The following CTNNA3 variants were observed in gnomAD, a reference collection of about 807,000 sequenced individuals.
The protein encoded by CTNNA3 is catenin alpha-3.
In CTNNA3, 76 loss-of-function variants were observed where a neutral mutation model predicts 95.7. That is an observed-to-expected ratio of 0.79 (90% CI 0.66 to 0.96). The LOEUF (loss-of-function observed/expected upper bound fraction) is 0.96, where lower values mean the gene tolerates loss of function less well. Among genes scored for constraint, CTNNA3 ranks in the 40% least tolerant of loss-of-function variants. The pLI is 0.00. For synonymous variants in CTNNA3, 431 were observed against 374.4 expected (o/e 1.15, Z -1.74); for missense variants, 1,191 against 1,089.8 (o/e 1.09, Z -1.31).
chr10:66,758,531 A>G (rs1191041791), intron 9 of CTNNA3, among the ~76,000 whole-genome samples: 2 of 152,218 alleles, frequency 1.3e-5, no homozygotes, highest in Non-Finnish European at 2.9e-5. Context: ...TTCTTCAGCT[A>G]GTTGTCAGTT....
At chr10:66,587,486 G>T (rs1184307211) in intron 10 of CTNNA3, among the ~76,000 whole-genome samples, 3 of 152,126 alleles carry the variant, frequency 2.0e-5, no homozygotes, top group East Asian at 1.9e-4. Flanking sequence ...TGCTACCAGG[G>T]CAGGTGGAGG....
chr10:67,278,830 C>T (rs1220526604), intron 5 of CTNNA3, among the ~76,000 whole-genome samples: 1 of 152,004 alleles, frequency 6.6e-6, no homozygotes, highest in Non-Finnish European at 1.5e-5. Flanking sequence ...CCCTTCTTAT[C>T]CTATAGTCAG....
chr10:67,253,890 C>T (rs554255179), intron 5 of CTNNA3, among the ~76,000 whole-genome samples: 2 of 152,304 alleles, frequency 1.3e-5, no homozygotes, highest in East Asian at 3.9e-4. Context: ...TCCTTCCTGA[C>T]TGGCTATTCA....
chr10:66,106,224 A>G (rs556303872), intron 13 of CTNNA3, among the ~76,000 whole-genome samples: 39 of 151,914 alleles, frequency 2.6e-4, no homozygotes, highest in Admixed American at 3.9e-4. Context: ...AAAAAAAGAA[A>G]AAAAAATGGG....
At chr10:66,689,941 C>A (rs761577800) in intron 9 of CTNNA3, among the ~76,000 whole-genome samples, 1 of 152,122 alleles carries the variant, frequency 6.6e-6, no homozygotes, top group Non-Finnish European at 1.5e-5. Context: ...TGCTACAGAT[C>A]TGCTTTCTCC....
At chr10:66,228,911 T>C (rs562758144) in intron 13 of CTNNA3, among the ~76,000 whole-genome samples, 251 of 152,286 alleles carry the variant, frequency 1.6e-3, no homozygotes, top group Non-Finnish European at 2.7e-3. Context: ...CTTTTAATGT[T>C]TTTTGACTTA....
In CTNNA3 at chr10:66,730,344, G is replaced by A. The variant is rs113782904; in HGVS notation, c.1281+35920C>T. Among the ~76,000 whole-genome samples, 747 of 152,204 alleles carry A rather than the reference G, an allele frequency of 4.9e-3. 3 individuals are homozygous for A. Among genetic ancestry groups the A allele is most frequent in the African/African-American group, 0.017 (707 of 41,532 alleles). On this transcript the variant is annotated intron_variant, in intron 9 of 17. Transcript: ENST00000433211. ...AAGCCATTATGCTCAGCAAACTAACGAAGGAATAGAAAACTAAACACTGCA... is the reference window on the plus strand; with the variant it reads ...AAGCCATTATGCTCAGCAAACTAACAAAGGAATAGAAAACTAAACACTGCA...
intron 5 of CTNNA3, among the ~76,000 whole-genome samples, chr10:67,512,937 A>G (rs1839686512): frequency 6.6e-6 from 1 of 152,198 alleles, no homozygotes; most frequent in Non-Finnish European, 1.5e-5. Context: ...GTGAGCCAAG[A>G]TCGCGTCACT....
At chr10:67,742,340 A>T (rs567427085) in intron 1 of CTNNA3, among the ~76,000 whole-genome samples, 1 of 151,504 alleles carries the variant, frequency 6.6e-6, no homozygotes, top group East Asian at 1.9e-4. Context: ...ACTCAGGATT[A>T]AGAAACTCAC....
chr10:67,130,456 T>C (rs79996847), intron 7 of CTNNA3, among the ~76,000 whole-genome samples: 3,925 of 152,196 alleles, frequency 0.026, 164 homozygotes, highest in East Asian at 0.14. Flanking sequence ...TGGGGAGATA[T>C]TGGATAGACT....
chr10:66,660,398 G>C (rs1375373609), intron 9 of CTNNA3, among the ~76,000 whole-genome samples: 3 of 152,144 alleles, frequency 2.0e-5, no homozygotes, highest in Admixed American at 6.5e-5. Flanking sequence ...CTCTTAACTT[G>C]TGATAACTCT....
At chr10:67,093,844 C>T (rs189083689) in intron 7 of CTNNA3, among the ~76,000 whole-genome samples, 1 of 152,020 alleles carries the variant, frequency 6.6e-6, no homozygotes. Flanking sequence ...CAAATTATGG[C>T]ACTAACACAA....
At chr10:67,726,530 ATATTATT>A (rs1564841261) in intron 1 of CTNNA3, among the ~76,000 whole-genome samples, 3 of 66,248 alleles carry the variant, frequency 4.5e-5, no homozygotes, top group Admixed American at 2.9e-4. Context: ...TATATTATAT[ATATTATT>A]ATATATTACA....
chr10:66,121,530 G>C (rs2082573143), intron 13 of CTNNA3, among the ~76,000 whole-genome samples: 1 of 151,958 alleles, frequency 6.6e-6, no homozygotes, highest in Admixed American at 6.6e-5. Flanking sequence ...TTTTAGAACA[G>C]ATCAAAACTT....
intron 16 of CTNNA3, among the ~76,000 whole-genome samples, chr10:65,977,391 G>A (rs75176746): frequency 0.056 from 8,505 of 152,180 alleles, 817 homozygotes; most frequent in African/African-American, 0.19. Context: ...TTAAATTTCA[G>A]GGGTGAATTA....
chr10:66,637,673 G>GAGCTTTCTCA (rs1260078749), intron 9 of CTNNA3, among the ~76,000 whole-genome samples: 2 of 152,204 alleles, frequency 1.3e-5, no homozygotes, highest in East Asian at 3.8e-4. Context: ...GGCAGAGGCT[G>GAGCTTTCTCA]AGCTTTCTCA....
intron 5 of CTNNA3, among the ~76,000 whole-genome samples, chr10:67,393,592 G>T (rs1027564339): frequency 6.6e-6 from 1 of 152,060 alleles, no homozygotes; most frequent in Non-Finnish European, 1.5e-5. Context: ...AACTTTTGCC[G>T]CTCATTGCCA....
rs375489723 is a variant in CTNNA3 at position 66,733,994 on chromosome 10, CAT to C, written c.1281+32268_1281+32269del. On this transcript the variant is annotated intron_variant, in intron 9 of 17. Transcript: ENST00000433211. The stretch of plus-strand genomic sequence containing the variant: ...TAATTAGTTTTAATTTTATTTATGA[CAT>C]GTTTTACCAAAAAGTACAAGTTTTA... 3.6e-4 allele frequency among the ~76,000 whole-genome samples: 55 copies of C among 151,808 alleles called. No homozygotes were observed. The South Asian group carries it at 0.011, about 29-fold the overall frequency.
In CTNNA3 at chr10:67,458,708, A is replaced by G. The variant is rs560462604; in HGVS notation, c.579+63134T>C. Among the ~76,000 whole-genome samples, 21 of 152,144 alleles carry G rather than the reference A, an allele frequency of 1.4e-4. 1 individual carries two copies. The highest frequency in any genetic ancestry group is 4.3e-4 in the African/African-American group (18 of 41,518). Reference sequence around the variant, plus strand: ...TACCTGGCCAACATGACAAAACCCCATCTCTACTAAAAATACAAAAAGAGG... The same window carrying G: ...TACCTGGCCAACATGACAAAACCCCGTCTCTACTAAAAATACAAAAAGAGG... On this transcript the variant is annotated intron_variant, in intron 5 of 17. Transcript: ENST00000433211.
Sources: allele counts gnomAD v4.1 joint callset (sites outside exome capture counted in the v4.1 genomes callset), GRCh38; gene constraint gnomAD v4.1.1; transcripts MANE v1.5; gene names NCBI Gene and HGNC (gene_info 2026-07-23, HGNC 2026-07-21).